Variants in RTN4RL1 observed in about 807,000 individuals in gnomAD.
The protein encoded by RTN4RL1 is reticulon-4 receptor-like 1.
In RTN4RL1, 7 loss-of-function variants were observed where a neutral mutation model predicts 25.6. The observed-to-expected ratio is 0.27, with a 90% CI of 0.16 to 0.51. The LOEUF is 0.51. RTN4RL1 is among the 20% of genes least tolerant of loss of function. The pLI is 0.97. For missense variants in RTN4RL1, 500 were observed against 615.6 expected (o/e 0.81, Z 1.99); for synonymous variants, 297 against 288.2 (o/e 1.03, Z -0.31).
intron 1 of RTN4RL1, chr17:2,003,126 T>G (rs954058341): frequency 6.6e-6 from 1 of 152,134 alleles, no homozygotes; most frequent in African/African-American, 2.4e-5. Context: ...ACTGCCAGCT[T>G]CCAGAACACA....
intron 1 of RTN4RL1, among the ~76,000 whole-genome samples, chr17:2,013,666 A>G (rs1306337867): frequency 2.2e-5 from 2 of 92,082 alleles, no homozygotes; most frequent in Non-Finnish European, 4.4e-5. Context: ...TCACCCTGGA[A>G]CATAAATACC....
At chr17:1,990,631 G>A (rs939432971) in intron 1 of RTN4RL1, among the ~76,000 whole-genome samples, 5 of 152,248 alleles carry the variant, frequency 3.3e-5, no homozygotes, top group Admixed American at 1.3e-4. Context: ...AGCCCAGGAG[G>A]TTGAGGCTGC....
rs547469916 is a variant in RTN4RL1 at position 1,993,120 on chromosome 17, C to T, written c.13+31733G>A. Among the ~76,000 whole-genome samples the T allele has an allele frequency of 9.2e-5, 14 of 152,240 alleles. No homozygotes were observed. In the East Asian group the frequency reaches 2.7e-3, roughly 29 times the overall value. On this transcript the variant is annotated intron_variant, in intron 1 of 1. Transcript: ENST00000331238. ...AAAATTAGCCGGGCATGGTGGTGAGCACCTGTGATCCCAGCTATTCGGGAG... is the reference window on the plus strand; with the variant it reads ...AAAATTAGCCGGGCATGGTGGTGAGTACCTGTGATCCCAGCTATTCGGGAG...
intron 1 of RTN4RL1, among the ~76,000 whole-genome samples, chr17:1,986,595 G>A (rs1416389476): frequency 6.6e-6 from 1 of 152,144 alleles, no homozygotes; most frequent in Non-Finnish European, 1.5e-5. Context: ...GAGCGATGCA[G>A]CCACAGAGAA....
At chr17:1,981,445 C>T (rs554205496) in intron 1 of RTN4RL1, among the ~76,000 whole-genome samples, 3 of 152,144 alleles carry the variant, frequency 2.0e-5, no homozygotes, top group Non-Finnish European at 4.4e-5. Flanking sequence ...TTTTTCTTTG[C>T]ATAACTCTGC....
At position 1,936,780 on chromosome 17, in the gene RTN4RL1, C is replaced by T. The variant is rs376372113; in HGVS notation, c.1042G>A (p.Gly348Ser). The T allele has an allele frequency of 1.1e-5, 17 of 1,592,534 alleles. No individual in the cohort carries two copies. The highest frequency in any genetic ancestry group is 2.7e-5 in the African/African-American group (2 of 73,992). The change falls in exon 2 of 2, where the codon GGC (glycine) becomes AGC (serine). Residue 348 changes from glycine (G) to serine (S), a missense_variant. Gly to Ser is a moderately conservative substitution (Grantham distance 56). Around this residue, in one of 2 missense-constraint regions of RTN4RL1, gnomAD observed 268 missense variants for 274.5 expected, o/e 0.98. Transcript: ENST00000331238. Reference protein sequence around the residue: ...SKGHPHGPRPGHRKPGKNCTN... With the variant: ...SKGHPHGPRPSHRKPGKNCTN... ...CAGTTCTTCCCCGGCTTCCTGTGGC[C>T]GGGCCGGGGGCCGTGCGGGTGGCCC...
chr17:1,956,775 C>T (rs1038272566), intron 1 of RTN4RL1, among the ~76,000 whole-genome samples: 2 of 146,736 alleles, frequency 1.4e-5, no homozygotes, highest in Non-Finnish European at 3.0e-5. Context: ...TGGAGTCTCA[C>T]TCTGTCGCCC....
At chr17:2,022,513 C>T (rs959576766) in intron 1 of RTN4RL1, among the ~76,000 whole-genome samples, 3 of 152,206 alleles carry the variant, frequency 2.0e-5, no homozygotes, top group African/African-American at 7.2e-5. Flanking sequence ...CTTCAATGGC[C>T]ACCTCCCTGG....
chr17:1,972,729 G>A (rs1029159483), intron 1 of RTN4RL1, among the ~76,000 whole-genome samples: 1 of 152,206 alleles, frequency 6.6e-6, no homozygotes, highest in East Asian at 1.9e-4. Context: ...GAGACCCATC[G>A]TCCACGTCCT....
chr17:1,971,268 C>A (rs900416987), intron 1 of RTN4RL1, among the ~76,000 whole-genome samples: 11 of 152,296 alleles, frequency 7.2e-5, no homozygotes, highest in Admixed American at 6.5e-4. Flanking sequence ...TCTCCTGTCG[C>A]CTTGCGAAGA....
At position 1,936,679 on chromosome 17, in the gene RTN4RL1, G is replaced by C; in HGVS notation, c.1143C>G (p.Ala381=). 1.3e-6 allele frequency: 2 copies of C among 1,581,374 alleles called. No homozygotes were observed. Among genetic ancestry groups the C allele is most frequent in the Non-Finnish European group, 1.7e-6 (2 of 1,166,086 alleles). Residue 381 remains alanine, a synonymous_variant, in exon 2 of 2, where the codon GCC becomes GCG. Transcript: ENST00000331238. The stretch of plus-strand genomic sequence containing the variant: ...AACTGAACTTGTGCTGGTAGTCTGG[G>C]GCATAGTCTGGCAGCTCGGGGGCCT... ...GKQAPELPDY[A]PDYQHKFSFD... is the part of the protein sequence containing the mutation.
At position 1,936,804 on chromosome 17, in the gene RTN4RL1, C is replaced by A; in HGVS notation, c.1018G>T (p.Gly340Cys). 1 of 1,584,238 alleles carries A rather than the reference C, an allele frequency of 6.3e-7. No individual in the cohort carries two copies. The highest frequency in any genetic ancestry group is 8.6e-7 in the Non-Finnish European group (1 of 1,167,170). Reference sequence around the variant, plus strand: ...CCGGGCCGGGGGCCGTGCGGGTGGCCCTTGCTCCTGGTGGGGCCGTGGGGT... The same window carrying A: ...CCGGGCCGGGGGCCGTGCGGGTGGCACTTGCTCCTGGTGGGGCCGTGGGGT... Reference protein sequence around the residue: ...HSPHGPTRSKGHPHGPRPGHR... With the variant: ...HSPHGPTRSKCHPHGPRPGHR... The change falls in exon 2 of 2, where the codon GGC (glycine) becomes TGC (cysteine). Residue 340 changes from glycine (G) to cysteine (C), a missense_variant. Gly to Cys is a radical substitution (Grantham distance 159, BLOSUM62 -3). Coordinates refer to ENST00000331238, the MANE Select transcript of RTN4RL1 (RefSeq NM_178568.4).
intron 1 of RTN4RL1, among the ~76,000 whole-genome samples, chr17:1,969,058 C>CT (rs566553225): frequency 0.32 from 33,442 of 103,154 alleles, 6,078 homozygotes; most frequent in Middle Eastern, 0.41. Context: ...ACCACTGTCC[C>CT]TTTTTTTTTT....
chr17:1,998,776 C>T lies in RTN4RL1; in HGVS notation c.13+26077G>A, dbSNP rs1161069036. Among the ~76,000 whole-genome samples the T allele has an allele frequency of 3.1e-5, 2 of 63,724 alleles. No individual in the cohort carries two copies. The highest frequency in any genetic ancestry group is 3.6e-5 in the Non-Finnish European group (1 of 27,640). 41.8% of individuals were successfully genotyped at this position (63,724 alleles called of 152,430 possible). ...GGCGGCCTCGCGCGCACGGGGACCC[C>T]GGGGTGGGGGTGGGGGTGGGGCTCT... is the stretch of plus-strand genomic sequence containing the variant. On this transcript the variant is annotated intron_variant, in intron 1 of 1. Coordinates refer to ENST00000331238, the MANE Select transcript of RTN4RL1 (RefSeq NM_178568.4). This position sits in a 1 kb window ranked among gnomAD's most constrained non-coding sequence, Gnocchi z 4.9.
At chr17:1,954,033 C>T (rs1314078942) in intron 1 of RTN4RL1, among the ~76,000 whole-genome samples, 1 of 152,190 alleles carries the variant, frequency 6.6e-6, no homozygotes, top group African/African-American at 2.4e-5. Context: ...CAGAGTAAAA[C>T]GGAGAGAACC....
chr17:1,936,049 G>A lies in RTN4RL1; in HGVS notation c.*447C>T. On this transcript the variant is annotated 3_prime_UTR_variant, in exon 2 of 2. Coordinates refer to ENST00000331238, the MANE Select transcript of RTN4RL1 (RefSeq NM_178568.4). The stretch of plus-strand genomic sequence containing the variant: ...CCACCTGCTCGTGTGTGCCCAGACT[G>A]CTGGCCACCCAGCCTCGTGGGTGAG... The A allele has an allele frequency of 1.0e-6, 1 of 993,840 alleles. No homozygotes were observed. The highest frequency in any genetic ancestry group is 1.2e-6 in the Non-Finnish European group (1 of 835,244). 61.6% of individuals were successfully genotyped at this position (993,840 alleles called of 1,614,324 possible).
At chr17:1,946,930 C>T (rs1915564830) in intron 1 of RTN4RL1, among the ~76,000 whole-genome samples, 1 of 139,750 alleles carries the variant, frequency 7.2e-6, no homozygotes, top group Non-Finnish European at 1.5e-5. Context: ...GTGTGCATCT[C>T]TGTGTGAATG....
At chr17:1,972,075 C>A (rs543519793) in intron 1 of RTN4RL1, among the ~76,000 whole-genome samples, 2 of 151,918 alleles carry the variant, frequency 1.3e-5, no homozygotes, top group African/African-American at 4.8e-5. Flanking sequence ...GAGGTCAAGG[C>A]TGCAGTGAAC....
chr17:1,965,667 T>C (rs1343888597), intron 1 of RTN4RL1, among the ~76,000 whole-genome samples: 3 of 151,874 alleles, frequency 2.0e-5, no homozygotes, highest in Admixed American at 6.6e-5. Flanking sequence ...CAAAGGAGAG[T>C]TGGCTCAAGG....
Sources: gnomAD v4.1 joint callset for allele counts (sites outside exome capture counted in the v4.1 genomes callset) on GRCh38, gnomAD v4.1.1 for gene constraint, gnomAD v4.1.1 regional missense constraint, Gnocchi (gnomAD v3.1) non-coding constraint, MANE v1.5 for transcripts, NCBI Gene and HGNC (gene_info 2026-07-23, HGNC 2026-07-21) for gene names.